AGTPBP1: variants seen among roughly 807,000 people sequenced by gnomAD.
The protein encoded by AGTPBP1 is ATP/GTP binding carboxypeptidase 1, also known as cytosolic carboxypeptidase 1.
Under a neutral mutation model 143.9 loss-of-function variants are expected in AGTPBP1, and 70 were observed. The observed-to-expected ratio is 0.49, with a 90% CI of 0.40 to 0.59. AGTPBP1 has a LOEUF of 0.59. Among genes scored for constraint, AGTPBP1 ranks in the 20% least tolerant of loss-of-function variants. The pLI is 0.00. For missense variants in AGTPBP1, 1,229 were observed against 1,464.5 expected (o/e 0.84, Z 2.62); for synonymous variants, 463 against 500.2 (o/e 0.93, Z 0.99).
At chr9:85,745,463 T>C (rs1824569534), upstream of AGTPBP1, among the ~76,000 whole-genome samples, 1 of 152,202 alleles carries the variant, frequency 6.6e-6, no homozygotes, top group Admixed American at 6.5e-5. Flanking sequence ...CAAATGATAA[T>C]GCTCAACAAA....
At chr9:85,611,123 C>T (rs1819284) in intron 17 of AGTPBP1, among the ~76,000 whole-genome samples, 27,814 of 146,854 alleles carry the variant, frequency 0.19, 3,391 homozygotes, top group East Asian at 0.51. Flanking sequence ...GAATATGCCT[C>T]GTGATCTGTA....
rs143843138 is a variant in AGTPBP1 at position 85,552,283 on chromosome 9, C to CA, written c.3504-4998dup. Among the ~76,000 whole-genome samples, 435 of 152,192 alleles carry CA rather than the reference C, an allele frequency of 2.9e-3. 15 individuals carry two copies. The East Asian group carries it at 0.076, about 27-fold the overall frequency. ...AATTCCAACTGATTTCTGAAGAGAA[C>CA]AAAAAATGTTTACTTTATGCAGATT... On this transcript the variant is annotated intron_variant, in intron 25 of 25. Transcript: ENST00000357081.
chr9:85,782,239 G>C, the AGTPBP1 span, among the ~76,000 whole-genome samples: 1 of 152,224 alleles, frequency 6.6e-6, no homozygotes, highest in African/African-American at 2.4e-5. Context: ...AATTGGCTAG[G>C]TGCGGTGGCT....
chr9:85,767,057 C>A, the AGTPBP1 span, among the ~76,000 whole-genome samples: 3 of 146,344 alleles, frequency 2.0e-5, no homozygotes, highest in Admixed American at 6.8e-5. Context: ...TTAAAGAATA[C>A]CTGAACTTTA....
rs35683850 is a variant in AGTPBP1 at position 85,618,232 on chromosome 9, CA to C, written c.2335+750del. 9.0e-3 allele frequency among the ~76,000 whole-genome samples: 966 copies of C among 107,476 alleles called. 5 individuals carry two copies. The highest frequency in any genetic ancestry group is 0.026 in the East Asian group (117 of 4,420). 70.5% of individuals were successfully genotyped at this position (107,476 alleles called of 152,430 possible). ...TGGGTAACAGAGCAAAACTCCATCT[CA>C]AAAAAAAAAAAAAAATTACATTTCT... is the stretch of plus-strand genomic sequence containing the variant. On this transcript the variant is annotated intron_variant, in intron 17 of 25. Coordinates refer to ENST00000357081, the MANE Select transcript of AGTPBP1 (RefSeq NM_001330701.2).
At chr9:85,775,641 A>C in the AGTPBP1 span, among the ~76,000 whole-genome samples, 1 of 151,052 alleles carries the variant, frequency 6.6e-6, no homozygotes, top group East Asian at 1.9e-4. Context: ...TTACATGATC[A>C]CAAGGTCCCA....
chr9:85,572,204 T>C (rs1827547774), intron 25 of AGTPBP1, among the ~76,000 whole-genome samples: 1 of 151,934 alleles, frequency 6.6e-6, no homozygotes, highest in Non-Finnish European at 1.5e-5. Context: ...ATTTTTGTAT[T>C]TTTAGTAGAG....
chr9:85,759,434 G>C, the AGTPBP1 span, among the ~76,000 whole-genome samples: 2 of 152,074 alleles, frequency 1.3e-5, no homozygotes, highest in Non-Finnish European at 2.9e-5. Context: ...TCAGACCACA[G>C]TGCAATCAAA....
chr9:85,659,983 T>C (rs1014909473), intron 9 of AGTPBP1, among the ~76,000 whole-genome samples: 13 of 152,062 alleles, frequency 8.5e-5, no homozygotes, highest in African/African-American at 3.1e-4. Context: ...AATTGTTAAA[T>C]GAGAATTCTA....
At chr9:85,562,228 C>CAAA (rs71370872) in intron 25 of AGTPBP1, among the ~76,000 whole-genome samples, 61 of 130,300 alleles carry the variant, frequency 4.7e-4, no homozygotes, top group African/African-American at 1.6e-3. Flanking sequence ...AAAAGAAAGC[C>CAAA]AAAAAAAAAA....
At chr9:85,622,105 T>TTA (rs1443592045) in intron 14 of AGTPBP1, among the ~76,000 whole-genome samples, 3 of 152,226 alleles carry the variant, frequency 2.0e-5, no homozygotes, top group Non-Finnish European at 2.9e-5. Context: ...CTGCTAGTGT[T>TTA]AATACATAGC....
At chr9:85,692,464 G>A (rs933634835) in intron 3 of AGTPBP1, among the ~76,000 whole-genome samples, 17 of 151,422 alleles carry the variant, frequency 1.1e-4, no homozygotes, top group African/African-American at 2.7e-4. Flanking sequence ...TAGTAGAGAC[G>A]GGGTTTCACC....
chr9:85,674,448 AC>A (rs145587374), intron 6 of AGTPBP1, among the ~76,000 whole-genome samples: 2,547 of 152,204 alleles, frequency 0.017, 26 homozygotes, highest in Middle Eastern at 0.055. Flanking sequence ...GTAGAAGATA[AC>A]CTAGTTCTAA....
chr9:85,655,186 A>C lies in AGTPBP1; in HGVS notation c.1044T>G (p.Pro348=), dbSNP rs749358075. The C allele has an allele frequency of 6.2e-7, 1 of 1,613,618 alleles. No individual in the cohort carries two copies. Among genetic ancestry groups the C allele is most frequent in the Admixed American group, 1.7e-5 (1 of 59,996 alleles). The change falls in exon 11 of 26, where the codon CCT becomes CCG. Residue 348 remains proline (P), a synonymous_variant. Coordinates refer to ENST00000357081, the MANE Select transcript of AGTPBP1 (RefSeq NM_001330701.2). ...AGAGCTGAGCCACAGGACCAGTCAC[A>C]GGAATAACAGGCAACTGGAAATGAA... is the stretch of plus-strand genomic sequence containing the variant. The part of the protein sequence containing the change: ...SSFHFQLPVI[P]VTGPVAQLYS...
intron 25 of AGTPBP1, among the ~76,000 whole-genome samples, chr9:85,547,784 T>A (rs537918877): frequency 6.6e-6 from 1 of 152,288 alleles, no homozygotes; most frequent in Admixed American, 6.5e-5. Context: ...CCCCACCAGT[T>A]TCCGTAGGTC....
intron 25 of AGTPBP1, among the ~76,000 whole-genome samples, chr9:85,572,493 T>C (rs1244839937): frequency 6.6e-6 from 1 of 152,236 alleles, no homozygotes; most frequent in African/African-American, 2.4e-5. Context: ...GGAAATCGAT[T>C]ATATGGAAAT....
At chr9:85,681,223 G>A (rs1274209865) in intron 4 of AGTPBP1, 45 bp downstream of exon 4, 1 of 1,556,160 alleles carries the variant, frequency 6.4e-7, no homozygotes, top group Non-Finnish European at 8.8e-7. Flanking sequence ...CTTCAGTATT[G>A]CTTGGCATTA....
chr9:85,720,050 G>A (rs1837997490), intron 1 of AGTPBP1, among the ~76,000 whole-genome samples: 1 of 152,158 alleles, frequency 6.6e-6, no homozygotes, highest in African/African-American at 2.4e-5. Flanking sequence ...TTGTGCTGCT[G>A]GATTCAGTTT....
chr9:85,667,749 G>A (rs1230321111), intron 8 of AGTPBP1, among the ~76,000 whole-genome samples: 4 of 152,024 alleles, frequency 2.6e-5, no homozygotes, highest in Non-Finnish European at 5.9e-5. Context: ...GCCAGAACGT[G>A]TGACATTTTA....
Sources: gnomAD v4.1 joint callset for allele counts (sites outside exome capture counted in the v4.1 genomes callset) on GRCh38, gnomAD v4.1.1 for gene constraint, MANE v1.5 for transcripts, NCBI Gene and HGNC (gene_info 2026-07-23, HGNC 2026-07-21) for gene names.